The following BNC2 variants were observed in gnomAD, a reference collection of about 807,000 sequenced individuals.
The protein encoded by BNC2 is zinc finger protein basonuclin-2.
In BNC2, 20 loss-of-function variants were observed where a neutral mutation model predicts 76.3. The observed-to-expected ratio is 0.26, with a 90% CI of 0.18 to 0.38. The LOEUF (loss-of-function observed/expected upper bound fraction) is 0.38. BNC2 is among the 10% of genes least tolerant of loss of function. BNC2 has a pLI of 1.00. For missense variants in BNC2, 1,382 were observed against 1,399.8 expected (o/e 0.99, Z 0.20); for synonymous variants, 582 against 514.8 (o/e 1.13, Z -1.77).
intron 4 of BNC2, among the ~76,000 whole-genome samples, chr9:16,581,199 G>C (rs554585649): frequency 6.6e-6 from 1 of 152,280 alleles, no homozygotes; most frequent in East Asian, 1.9e-4. Flanking sequence ...AAGTTAAAAT[G>C]AGGCCCTTAG....
chr9:16,726,052 A>T (rs889380274), intron 3 of BNC2, among the ~76,000 whole-genome samples: 15 of 152,012 alleles, frequency 9.9e-5, no homozygotes, highest in Admixed American at 3.9e-4. Context: ...CCTGAAGGTG[A>T]CATCTAGTTT....
chr9:16,793,648 C>G (rs1029978677), intron 1 of BNC2, among the ~76,000 whole-genome samples: 1 of 55,776 alleles, frequency 1.8e-5, no homozygotes, highest in Admixed American at 2.9e-4. Context: ...CCTTCCACAT[C>G]TTTTTTTTTT....
chr9:16,731,071 A>G (rs1824490839), intron 2 of BNC2, among the ~76,000 whole-genome samples: 1 of 152,240 alleles, frequency 6.6e-6, no homozygotes, highest in Admixed American at 6.5e-5. Flanking sequence ...GATAATTTCT[A>G]TCTAGCAAGT....
At chr9:16,474,517 C>T (rs1372497639) in intron 5 of BNC2, among the ~76,000 whole-genome samples, 1 of 151,910 alleles carries the variant, frequency 6.6e-6, no homozygotes, top group Non-Finnish European at 1.5e-5. Context: ...GGAGATGAAC[C>T]CTCAATATTG....
Position 16,566,866 on chromosome 9 carries a change from A to G in BNC2, c.434-14101T>C, listed in dbSNP as rs146823806. Among the ~76,000 whole-genome samples, 68 of 152,366 alleles carry G rather than the reference A, an allele frequency of 4.5e-4. No individual in the cohort carries two copies. The East Asian group carries it at 0.012, about 26-fold the overall frequency. On this transcript the variant is annotated intron_variant, in intron 4 of 6. Transcript: ENST00000380672. ...TGGAGGAAAAACAAACAAAGGGTCA[A>G]TTAATCTCTTTTTAGTATGCAGAAT...
chr9:16,773,635 T>C (rs551751393), intron 1 of BNC2, among the ~76,000 whole-genome samples: 1 of 152,166 alleles, frequency 6.6e-6, no homozygotes, highest in Non-Finnish European at 1.5e-5. Context: ...AAGGGGCTTG[T>C]CGCTACAGTA....
intron 5 of BNC2, among the ~76,000 whole-genome samples, chr9:16,460,932 C>G (rs1193140530): frequency 6.6e-6 from 1 of 151,866 alleles, no homozygotes; most frequent in Non-Finnish European, 1.5e-5. Flanking sequence ...CAAGGATTAA[C>G]TGAAATCTTG....
At chr9:16,708,566 A>AC (rs1823744290) in intron 3 of BNC2, among the ~76,000 whole-genome samples, 1 of 152,212 alleles carries the variant, frequency 6.6e-6, no homozygotes, top group Admixed American at 6.5e-5. Flanking sequence ...TGTATGGACA[A>AC]AAGAGAGAAG....
chr9:16,571,919 T>C (rs984162072), intron 4 of BNC2, among the ~76,000 whole-genome samples: 10 of 152,168 alleles, frequency 6.6e-5, no homozygotes, highest in Non-Finnish European at 1.3e-4. Context: ...AATGACTTTT[T>C]TTTTAAGGGG....
chr9:16,748,571 C>T (rs570396852), intron 1 of BNC2, among the ~76,000 whole-genome samples: 7 of 151,028 alleles, frequency 4.6e-5, no homozygotes, highest in Non-Finnish European at 1.0e-4. Flanking sequence ...TGCCCGGGTG[C>T]AGTGGCTCAT....
chr9:16,530,563 G>C (rs191017295), intron 5 of BNC2, among the ~76,000 whole-genome samples: 1 of 152,282 alleles, frequency 6.6e-6, no homozygotes, highest in Admixed American at 6.5e-5. Context: ...ATTATGCTGA[G>C]AAATCTGTCA....
intron 3 of BNC2, among the ~76,000 whole-genome samples, chr9:16,725,692 CACACACAGGT>C (rs1211297672): frequency 1.4e-5 from 2 of 147,908 alleles, no homozygotes; most frequent in Non-Finnish European, 2.9e-5. Flanking sequence ...CACATATATG[CACACACAGGT>C]ACACACAAAA....
rs1303021353 is a variant in BNC2 at position 16,600,544 on chromosome 9, T to C, written c.331-17459A>G. Among the ~76,000 whole-genome samples, 4 of 152,262 alleles carry C rather than the reference T, an allele frequency of 2.6e-5. No individual in the cohort carries two copies. The East Asian group carries it at 5.8e-4, about 22-fold the overall frequency. Reference sequence around the variant, plus strand: ...AGCATTTTATTCCTTAATCAGAAAATAACAGATTTTAAAGTTAAGGTATAC... The same window carrying C: ...AGCATTTTATTCCTTAATCAGAAAACAACAGATTTTAAAGTTAAGGTATAC... On this transcript the variant is annotated intron_variant, in intron 3 of 6. Transcript: ENST00000380672.
chr9:16,478,176 C>A (rs1821968207), intron 5 of BNC2, among the ~76,000 whole-genome samples: 1 of 152,158 alleles, frequency 6.6e-6, no homozygotes. Context: ...GAGATATTAA[C>A]AAAAGCAATA....
At chr9:16,617,899 G>C (rs767953598) in intron 3 of BNC2, among the ~76,000 whole-genome samples, 4 of 152,190 alleles carry the variant, frequency 2.6e-5, no homozygotes, top group African/African-American at 4.8e-5. Context: ...GACAGTACAA[G>C]TGGTGGAAAC....
intron 3 of BNC2, among the ~76,000 whole-genome samples, chr9:16,643,277 G>C (rs141091175): frequency 2.1e-5 from 3 of 146,010 alleles, no homozygotes; most frequent in Non-Finnish European, 3.0e-5. Context: ...ATGCACTCCA[G>C]CCTGGGTGAA....
Position 16,642,286 on chromosome 9 carries a change from T to C in BNC2, c.331-59201A>G, listed in dbSNP as rs185149891. On this transcript the variant is annotated intron_variant, in intron 3 of 6. Transcript: ENST00000380672. ...ATCTGTAAACATTAACAAGTCTCAA[T>C]AGCGTTCTGTTTTATAAATTCTATT... Among the ~76,000 whole-genome samples the C allele has an allele frequency of 2.6e-5, 4 of 152,332 alleles. No individual in the cohort carries two copies. In the East Asian group the frequency reaches 7.7e-4, roughly 29 times the overall value.
intron 4 of BNC2, among the ~76,000 whole-genome samples, chr9:16,570,793 T>C (rs1466544382): frequency 1.3e-5 from 2 of 152,168 alleles, no homozygotes; most frequent in African/African-American, 4.8e-5. Context: ...AAAACTCTTT[T>C]GGGATTTAGA....
At chr9:16,750,951 G>A (rs916095433) in intron 1 of BNC2, among the ~76,000 whole-genome samples, 6 of 152,184 alleles carry the variant, frequency 3.9e-5, no homozygotes, top group East Asian at 1.9e-4. Flanking sequence ...GTACTTCAGC[G>A]GCAATGGCAG....
Sources: gnomAD v4.1 joint callset for allele counts (sites outside exome capture counted in the v4.1 genomes callset) on GRCh38, gnomAD v4.1.1 for gene constraint, MANE v1.5 for transcripts, NCBI Gene and HGNC (gene_info 2026-07-23, HGNC 2026-07-21) for gene names.